Variants in FBXO7 observed in about 807,000 individuals in gnomAD.
The protein encoded by FBXO7 is F-box protein 7, also known as F-box only protein 7.
In FBXO7, 31 loss-of-function variants were observed where a neutral mutation model predicts 50.2. The observed-to-expected ratio is 0.62, with a 90% CI of 0.46 to 0.83. FBXO7 has a LOEUF of 0.83. Ranked by LOEUF, FBXO7 falls within the 40% of genes least tolerant of loss-of-function variation. FBXO7 has a pLI of 0.00. For synonymous variants in FBXO7, 256 were observed against 253.1 expected, an observed-to-expected ratio of 1.01 and a Z score of -0.11; for missense variants, 667 against 646.6, an observed-to-expected ratio of 1.03 and a Z score of -0.34.
In FBXO7 at chr22:32,498,700, CA is replaced by C; in HGVS notation, c.*173del. ...TTATAGCCCTAGGGGTGGTATGACC[CA>C]AAGGTTCCTCTGTGACAAGGTTGGC... On this transcript the variant is annotated 3_prime_UTR_variant, in exon 9 of 9. Coordinates refer to ENST00000266087, the MANE Select transcript of FBXO7 (RefSeq NM_012179.4). 2.6e-6 allele frequency: 2 copies of C among 755,970 alleles called. No individual in the cohort carries two copies. The highest frequency in any genetic ancestry group is 4.3e-6 in the Non-Finnish European group (2 of 468,072). The allele number at this position is 755,970 out of a possible 1,614,324, so 46.8% of individuals were successfully genotyped here.
At chr22:32,475,219 G>T in intron 1 of FBXO7, 95 bp downstream of exon 1, 1 of 1,509,400 alleles carries the variant, frequency 6.6e-7, no homozygotes, top group South Asian at 1.3e-5. Context: ...CTGCAGGCGC[G>T]GGCGTGGCCG....
intron 5 of FBXO7, 149 bp downstream of exon 5, chr22:32,487,977 G>T (rs936767561): frequency 3.0e-5 from 19 of 629,452 alleles, no homozygotes; most frequent in Admixed American, 5.8e-5. Flanking sequence ...GAATGCAAAG[G>T]TTTAAAAAAT....
intron 5 of FBXO7, chr22:32,488,490 G>C (rs1298282650): frequency 1.3e-5 from 2 of 152,404 alleles, no homozygotes; most frequent in Non-Finnish European, 2.9e-5. Context: ...CATTTTTTAA[G>C]TGCCTGTTTC....
chr22:32,479,043 C>A lies in FBXO7; in HGVS notation c.185C>A (p.Thr62Asn), dbSNP rs2057446436. ...GATCCCCTCACTGGAGATGAAGAGA[C>A]CTTGGCTTCATATGGGATTGTTTCT... ...YKDPLTGDEE[T>N]LASYGIVSGD... The change falls in exon 2 of 9, where the codon ACC becomes AAC. Residue 62 changes from threonine to asparagine, a missense_variant. By Grantham distance (65) the Thr-to-Asn change is moderately conservative. Transcript: ENST00000266087. 1 of 1,614,148 alleles carries A rather than the reference C, an allele frequency of 6.2e-7. No homozygotes were observed. Among genetic ancestry groups the A allele is most frequent in the Non-Finnish European group, 8.5e-7 (1 of 1,179,976 alleles).
At chr22:32,483,806 A>G in intron 2 of FBXO7, 91 bp from the exon 3 acceptor site, 1 of 1,147,108 alleles carries the variant, frequency 8.7e-7, no homozygotes. Flanking sequence ...ATGTACTTTG[A>G]CTTTCAGCAC....
At chr22:32,486,307 A>G (rs1028019398) in intron 4 of FBXO7, among the ~76,000 whole-genome samples, 12 of 151,538 alleles carry the variant, frequency 7.9e-5, no homozygotes, top group African/African-American at 2.4e-4. Context: ...GACATGTTGG[A>G]TAGTTCTCAT....
Position 32,498,340 on chromosome 22 carries a change from C to T in FBXO7, c.1379C>T (p.Pro460Leu). 6.2e-7 allele frequency: 1 copy of T among 1,614,168 alleles called. No homozygotes were observed. Among genetic ancestry groups the T allele is most frequent in the Non-Finnish European group, 8.5e-7 (1 of 1,180,008 alleles). Reference sequence around the variant, plus strand: ...CCAACACTTCCCTATGTTGGAGACCCAATCAGTTCACTCATTCCTGGTCCT... The same window carrying T: ...CCAACACTTCCCTATGTTGGAGACCTAATCAGTTCACTCATTCCTGGTCCT... The part of the protein sequence containing the change: ...QRPTLPYVGD[P>L]ISSLIPGPGE... Residue 460 changes from proline to leucine, a missense_variant, in exon 9 of 9, where the codon CCA becomes CTA. Coordinates refer to ENST00000266087, the MANE Select transcript of FBXO7 (RefSeq NM_012179.4).
At chr22:32,492,803 GA>G in intron 6 of FBXO7, 2 of 396,884 alleles carry the variant, frequency 5.0e-6, no homozygotes, top group South Asian at 5.2e-5. Flanking sequence ...GTTTGAGACA[GA>G]AGAGACCATT....
chr22:32,486,482 A>G lies in FBXO7; in HGVS notation c.788-1263A>G, dbSNP rs1033750202. On this transcript the variant is annotated intron_variant, in intron 4 of 8. Transcript: ENST00000266087. Reference sequence around the variant, plus strand: ...TGAGTAGCTAGGACCACAGGCGTGTACCACCACACCTGGCTATTTTTTATT... The same window carrying G: ...TGAGTAGCTAGGACCACAGGCGTGTGCCACCACACCTGGCTATTTTTTATT... Among the ~76,000 whole-genome samples, 8 of 152,106 alleles carry G rather than the reference A, an allele frequency of 5.3e-5. No homozygotes were observed. In the South Asian group the frequency reaches 6.2e-4, roughly 12 times the overall value.
Position 32,483,996 on chromosome 22 carries a change from G to A in FBXO7, c.517G>A (p.Glu173Lys), listed in dbSNP as rs773386419. The A allele has an allele frequency of 6.2e-7, 1 of 1,614,196 alleles. No homozygotes were observed. The highest frequency in any genetic ancestry group is 1.1e-5 in the South Asian group (1 of 91,086). The change falls in exon 3 of 9, where the codon GAA becomes AAA. Residue 173 changes from glutamate (E) to lysine (K), a missense_variant. Coordinates refer to ENST00000266087, the MANE Select transcript of FBXO7 (RefSeq NM_012179.4). ...TCCCTCAGAACCCATGCTCTGTAGT[G>A]AATCGGTGGAAGGGCAAGTGCCACA... Reference protein sequence around the residue: ...FYPSEPMLCSESVEGQVPHSL... With the variant: ...FYPSEPMLCSKSVEGQVPHSL...
Position 32,483,886 on chromosome 22 carries a change from T to A in FBXO7, c.418-11T>A. ...CTTTAATTAATTCATTGTTTTGTTT[T>A]CCTTTTTCAGTTAGGGCCTAGTCAA... On this transcript the variant is annotated splice_polypyrimidine_tract_variant and intron_variant, in intron 2 of 8. Transcript: ENST00000266087. 6.2e-7 allele frequency: 1 copy of A among 1,612,222 alleles called. No individual in the cohort carries two copies. The highest frequency in any genetic ancestry group is 1.7e-4 in the Middle Eastern group (1 of 6,054).
Position 32,498,487 on chromosome 22 carries a change from C to T in FBXO7, c.1526C>T (p.Pro509Leu). 6.2e-7 allele frequency: 1 copy of T among 1,614,114 alleles called. No individual in the cohort carries two copies. Among genetic ancestry groups the T allele is most frequent in the Non-Finnish European group, 8.5e-7 (1 of 1,180,022 alleles). ...GGPNDRFPFR[P>L]SRGRPTDGRL... Reference sequence around the variant, plus strand: ...CCCAATGACAGATTTCCCTTTAGACCCAGCAGGGGTCGGCCAACTGATGGC... The same window carrying T: ...CCCAATGACAGATTTCCCTTTAGACTCAGCAGGGGTCGGCCAACTGATGGC... Residue 509 changes from proline to leucine, a missense_variant, in exon 9 of 9, where the codon CCC (proline) becomes CTC (leucine). Physicochemically the swap from Pro to Leu is moderately conservative, Grantham distance 98. Coordinates refer to ENST00000266087, the MANE Select transcript of FBXO7 (RefSeq NM_012179.4).
At chr22:32,478,858 C>A (rs1178457332) in intron 1 of FBXO7, 123 bp from the exon 2 acceptor site, 2 of 959,990 alleles carry the variant, frequency 2.1e-6, no homozygotes, top group Non-Finnish European at 3.3e-6. Flanking sequence ...CATAGTGAGA[C>A]CTTGTCTCTT....
intron 8 of FBXO7, 67 bp downstream of exon 8, chr22:32,495,597 A>C (rs2057569035): frequency 1.2e-6 from 1 of 839,386 alleles, no homozygotes; most frequent in African/African-American, 1.7e-5. Flanking sequence ...TAATATATTA[A>C]GGGTATATTT....
intron 8 of FBXO7, 112 bp from the exon 9 acceptor site, chr22:32,498,032 A>C: frequency 1.6e-6 from 2 of 1,233,246 alleles, no homozygotes; most frequent in South Asian, 1.3e-5. Context: ...CTAAATCCAC[A>C]ATATGTCTGA....
intron 4 of FBXO7, 119 bp downstream of exon 4, chr22:32,485,328 T>A (rs911219715): frequency 1.1e-4 from 135 of 1,270,388 alleles, no homozygotes; most frequent in Non-Finnish European, 1.5e-4. Flanking sequence ...CCTTCTCAAC[T>A]GTATTTAATT....
chr22:32,477,325 A>C (rs1269170133), intron 1 of FBXO7, among the ~76,000 whole-genome samples: 2 of 152,244 alleles, frequency 1.3e-5, no homozygotes, highest in Admixed American at 6.5e-5. Flanking sequence ...TATAATTTTT[A>C]AAGGACTTCA....
chr22:32,480,486 A>G (rs1214452323), intron 2 of FBXO7, among the ~76,000 whole-genome samples: 1 of 150,982 alleles, frequency 6.6e-6, no homozygotes, highest in Non-Finnish European at 1.5e-5. Context: ...CCTGGTGACT[A>G]CTTTTGTGAC....
At position 32,484,108 on chromosome 22, in the gene FBXO7, C is replaced by T. The variant is rs1290601254; in HGVS notation, c.629C>T (p.Ser210Leu). 6 of 1,613,924 alleles carry T rather than the reference C, an allele frequency of 3.7e-6. No homozygotes were observed. The East Asian group carries it at 6.7e-5, about 18-fold the overall frequency. ...TTGATACATCTTCTCATGTTGGAGT[C>T]AGGTTACATACCTCAGGTAAGTACT... ...IVLIHLLMLESGYIPQGTEAK... is the reference protein window; with the variant it reads ...IVLIHLLMLELGYIPQGTEAK... Residue 210 changes from serine (S) to leucine (L), a missense_variant, in exon 3 of 9, where the codon TCA becomes TTA. Transcript: ENST00000266087.
Sources: gnomAD v4.1 joint callset for allele counts (sites outside exome capture counted in the v4.1 genomes callset) on GRCh38, gnomAD v4.1.1 for gene constraint, MANE v1.5 for transcripts, NCBI Gene and HGNC (gene_info 2026-07-23, HGNC 2026-07-21) for gene names.